The following TMTC1 variants were observed in gnomAD, a reference collection of about 807,000 sequenced individuals.
TMTC1 encodes the protein protein O-mannosyl-transferase TMTC1.
Under a neutral mutation model 104.8 loss-of-function variants are expected in TMTC1, and 73 were observed. That is an observed-to-expected ratio of 0.70 (90% CI 0.58 to 0.85). The LOEUF is 0.85. Among genes scored for constraint, TMTC1 ranks in the 40% least tolerant of loss-of-function variants. The pLI is 0.00. For missense variants in TMTC1, 1,035 were observed against 1,096.1 expected (o/e 0.94, Z 0.79); for synonymous variants, 434 against 428.7 (o/e 1.01, Z -0.15).
chr12:29,582,571 C>A (rs1215198882), intron 8 of TMTC1, among the ~76,000 whole-genome samples: 1 of 152,216 alleles, frequency 6.6e-6, no homozygotes, highest in Admixed American at 6.5e-5. Flanking sequence ...TTTCCAGATG[C>A]CTGTTTCCTG....
At chr12:29,684,087 G>A (rs899716108) in intron 5 of TMTC1, among the ~76,000 whole-genome samples, 1 of 152,106 alleles carries the variant, frequency 6.6e-6, no homozygotes, top group Admixed American at 6.5e-5. Flanking sequence ...CAAGCAATCC[G>A]CCTGCCTTGG....
intron 10 of TMTC1, among the ~76,000 whole-genome samples, chr12:29,545,280 T>C (rs1286878829): frequency 1.3e-5 from 2 of 152,194 alleles, no homozygotes; most frequent in African/African-American, 2.4e-5. Context: ...CCTGTAGTTG[T>C]AGTTAAAACC....
intron 6 of TMTC1, 84 bp downstream of exon 6, chr12:29,633,063 A>G (rs1403393045): frequency 1.1e-5 from 14 of 1,300,580 alleles, no homozygotes; most frequent in Non-Finnish European, 1.4e-5. Flanking sequence ...ATTTACACCC[A>G]GACCATCCGC....
intron 10 of TMTC1, among the ~76,000 whole-genome samples, chr12:29,542,798 C>T (rs1295214292): frequency 6.6e-6 from 1 of 152,058 alleles, no homozygotes; most frequent in Non-Finnish European, 1.5e-5. Flanking sequence ...ATGAAAGATA[C>T]TCCTGGATAC....
At chr12:29,568,739 C>T in intron 9 of TMTC1, 1 of 339,586 alleles carries the variant, frequency 2.9e-6, no homozygotes, top group Non-Finnish European at 5.9e-6. Flanking sequence ...AATATCTTGA[C>T]TTTATTCAGG....
At chr12:29,640,512 A>T (rs1426331067) in intron 5 of TMTC1, 1 of 152,234 alleles carries the variant, frequency 6.6e-6, no homozygotes, top group Non-Finnish European at 1.5e-5. Flanking sequence ...CGTCCCCCAC[A>T]ACTGGAGAAG....
At chr12:29,757,526 T>C (rs1169723747) in intron 3 of TMTC1, among the ~76,000 whole-genome samples, 1 of 152,192 alleles carries the variant, frequency 6.6e-6, no homozygotes, top group East Asian at 1.9e-4. Context: ...CCTCAGTCAC[T>C]GGGCTTTGTA....
At chr12:29,646,769 C>T (rs1056947531) in intron 5 of TMTC1, among the ~76,000 whole-genome samples, 16 of 152,122 alleles carry the variant, frequency 1.1e-4, no homozygotes, top group African/African-American at 1.7e-4. Flanking sequence ...GCAGCATCCC[C>T]GGCAGAGAAC....
rs575197536 is a variant in TMTC1 at position 29,547,721 on chromosome 12, A to G, written c.1676+9136T>C. ...TATGGGAGAGGAGTGAAGAATAAGGAGGAAAGTGGCAGGATTATGGAAAGC... is the reference window on the plus strand; with the variant it reads ...TATGGGAGAGGAGTGAAGAATAAGGGGGAAAGTGGCAGGATTATGGAAAGC... On this transcript the variant is annotated intron_variant, in intron 10 of 17. Transcript: ENST00000539277. 6.6e-5 allele frequency among the ~76,000 whole-genome samples: 10 copies of G among 152,294 alleles called. No homozygotes were observed. The South Asian group carries it at 2.1e-3, about 32-fold the overall frequency.
chr12:29,644,123 G>C (rs1342239933), intron 5 of TMTC1, among the ~76,000 whole-genome samples: 1 of 91,878 alleles, frequency 1.1e-5, no homozygotes, highest in Non-Finnish European at 2.1e-5. Flanking sequence ...GTGTGTGTGT[G>C]TGTGTGTGTG....
intron 10 of TMTC1, among the ~76,000 whole-genome samples, chr12:29,551,493 T>C (rs1273143192): frequency 7.9e-5 from 12 of 152,202 alleles, no homozygotes; most frequent in Admixed American, 7.9e-4. Flanking sequence ...CATTACATTT[T>C]CCCCTGAGTT....
chr12:29,592,388 T>G (rs191401097), intron 7 of TMTC1, among the ~76,000 whole-genome samples: 1 of 152,354 alleles, frequency 6.6e-6, no homozygotes, highest in Admixed American at 6.5e-5. Flanking sequence ...AAGACATTTC[T>G]GTGTATTTCC....
intron 12 of TMTC1, 137 bp from the exon 13 acceptor site, chr12:29,518,744 C>T (rs1018398977): frequency 1.8e-6 from 2 of 1,103,988 alleles, no homozygotes; most frequent in African/African-American, 3.1e-5. Context: ...TGCAAATTAG[C>T]TTGCATTTCA....
At chr12:29,623,904 G>A (rs1937826506) in intron 6 of TMTC1, among the ~76,000 whole-genome samples, 1 of 152,112 alleles carries the variant, frequency 6.6e-6, no homozygotes, top group Non-Finnish European at 1.5e-5. Context: ...CTCTAAAGCT[G>A]TCCTTTTCCT....
chr12:29,669,431 AGCATT>A lies in TMTC1; in HGVS notation c.939-36100_939-36096del, dbSNP rs527526725. Among the ~76,000 whole-genome samples, 6 of 152,340 alleles carry A rather than the reference AGCATT, an allele frequency of 3.9e-5. No individual in the cohort carries two copies. In the South Asian group the frequency reaches 1.2e-3, roughly 32 times the overall value. On this transcript the variant is annotated intron_variant, in intron 5 of 17. Transcript: ENST00000539277. The stretch of plus-strand genomic sequence containing the variant: ...ATCTGATTTCCAATAGTGCAGTGTT[AGCATT>A]GCATGACATTGGTAGAGTGCCCACT...
At chr12:29,559,950 T>A (rs1267816739) in intron 9 of TMTC1, among the ~76,000 whole-genome samples, 2 of 152,172 alleles carry the variant, frequency 1.3e-5, no homozygotes, top group Non-Finnish European at 2.9e-5. Flanking sequence ...ATGTAAATAT[T>A]TTCTTAAAAC....
Position 29,783,857 on chromosome 12 carries a change from A to C in TMTC1, c.-106T>G. On this transcript the variant is annotated 5_prime_UTR_variant, in exon 1 of 18. An upstream start codon of the reference 5' UTR is lost. Transcript: ENST00000539277. This position sits in a 1 kb window ranked among gnomAD's most constrained non-coding sequence, Gnocchi z 4.7. ...CGTCTGCCCGGAGGGGGGCTCGGGC[A>C]TGGTGCTGCGGCAGCTGGACCCGCC... is the stretch of plus-strand genomic sequence containing the variant. 2.0e-6 allele frequency: 2 copies of C among 1,022,430 alleles called. No homozygotes were observed. Among genetic ancestry groups the C allele is most frequent in the Non-Finnish European group, 2.4e-6 (2 of 846,746 alleles). The allele number at this position is 1,022,430 out of a possible 1,614,324, so 63.3% of individuals were successfully genotyped here.
At chr12:29,661,263 C>T (rs1940009837) in intron 5 of TMTC1, 6 of 643,204 alleles carry the variant, frequency 9.3e-6, no homozygotes, top group Non-Finnish European at 1.2e-5. Context: ...GAAAACAATA[C>T]AGTTACACTG....
At chr12:29,650,602 T>G (rs1271977989) in intron 5 of TMTC1, among the ~76,000 whole-genome samples, 4 of 152,216 alleles carry the variant, frequency 2.6e-5, no homozygotes, top group African/African-American at 9.7e-5. Flanking sequence ...AACAATGGTC[T>G]TATTCAGGAA....
Sources: gnomAD v4.1 joint callset for allele counts (sites outside exome capture counted in the v4.1 genomes callset) on GRCh38, gnomAD v4.1.1 for gene constraint, Gnocchi (gnomAD v3.1) non-coding constraint, MANE v1.5 for transcripts, NCBI Gene and HGNC (gene_info 2026-07-23, HGNC 2026-07-21) for gene names.